SLIRP: variants seen among roughly 807,000 people sequenced by gnomAD.
SLIRP encodes SRA stem-loop-interacting RNA-binding protein, mitochondrial.
SLIRP carries 12 observed loss-of-function variants against 13.4 expected under a neutral mutation model. That is an observed-to-expected ratio of 0.89 (90% CI 0.57 to 1.45). The LOEUF is 1.45. Among genes scored for constraint, SLIRP ranks in the 40% most tolerant of loss-of-function variants. The pLI is 0.00. For missense variants in SLIRP, 154 were observed against 132.2 expected (o/e 1.17, Z -0.81); for synonymous variants, 55 against 47.1 (o/e 1.17, Z -0.69).
chr14:77,708,190 C>G lies in SLIRP; in HGVS notation c.79C>G (p.Pro27Ala), dbSNP rs1386734869. ...NQPVAFVRRI[P>A]WTAASSQLKE... ...GCCGGTTGCTTTTGTGAGAAGAATT[C>G]CTTGGACTGCGGCGTCGAGTGAGTG... The change falls in exon 1 of 4, where the codon CCT (proline) becomes GCT (alanine). Residue 27 changes from proline (P) to alanine (A), a missense_variant. Physicochemically the swap from Pro to Ala is conservative, Grantham distance 27. Coordinates refer to ENST00000557342, the MANE Select transcript of SLIRP (RefSeq NM_031210.6). The G allele has an allele frequency of 2.5e-6, 4 of 1,614,034 alleles. No individual in the cohort carries two copies. The East Asian group carries it at 8.9e-5, about 36-fold the overall frequency.
intron 3 of SLIRP, chr14:77,716,162 A>G (rs1176662600): frequency 9.8e-6 from 2 of 204,058 alleles, no homozygotes; most frequent in African/African-American, 2.3e-5. Flanking sequence ...TAAAAATACA[A>G]AAAATTAGCC....
At chr14:77,709,816 A>C (rs1278472366) in intron 1 of SLIRP, among the ~76,000 whole-genome samples, 1 of 152,200 alleles carries the variant, frequency 6.6e-6, no homozygotes, top group Non-Finnish European at 1.5e-5. Flanking sequence ...TGATCTTGCC[A>C]GTTGGTTTGA....
At chr14:77,711,516 A>T (rs965375316) in intron 2 of SLIRP, among the ~76,000 whole-genome samples, 2 of 151,214 alleles carry the variant, frequency 1.3e-5, no homozygotes, top group Non-Finnish European at 2.9e-5. Context: ...TTTAGTGGAG[A>T]CAGGGTTTCG....
intron 1 of SLIRP, among the ~76,000 whole-genome samples, chr14:77,710,401 G>A (rs1017897587): frequency 2.7e-4 from 41 of 152,158 alleles, no homozygotes; most frequent in African/African-American, 9.9e-4. Context: ...CTAGCAGTGG[G>A]AAATAAGGCA....
intron 2 of SLIRP, among the ~76,000 whole-genome samples, chr14:77,715,172 A>G (rs112326203): frequency 1.3e-5 from 2 of 152,244 alleles, no homozygotes; most frequent in South Asian, 2.1e-4. Context: ...GTACTGATCA[A>G]AATTTCCCTT....
Position 77,714,854 on chromosome 14 carries a change from A to G in SLIRP, c.157-918A>G, listed in dbSNP as rs75282383. On this transcript the variant is annotated intron_variant, in intron 2 of 3. Transcript: ENST00000557342. ...CCAGTTTGTCATCTACAGGGACTAG[A>G]CATCTTAATATCTGTTTTCTGTCGA... 8.4e-3 allele frequency among the ~76,000 whole-genome samples: 1,274 copies of G among 152,260 alleles called. 13 individuals are homozygous for G. The highest frequency in any genetic ancestry group is 0.029 in the African/African-American group (1,217 of 41,544).
At chr14:77,710,737 G>C in intron 1 of SLIRP, 101 bp from the exon 2 acceptor site, 2 of 1,576,706 alleles carry the variant, frequency 1.3e-6, no homozygotes, top group South Asian at 1.1e-5. Context: ...ATGCAAAGTA[G>C]TTCCTGTCCA....
At chr14:77,715,924 GTAC>G (rs2080473917) in intron 3 of SLIRP, 45 bp downstream of exon 3, 1 of 1,373,422 alleles carries the variant, frequency 7.3e-7, no homozygotes. Flanking sequence ...ATACATGTAG[GTAC>G]TATTTAATTA....
chr14:77,710,765 C>T (rs1004352833), intron 1 of SLIRP, 73 bp from the exon 2 acceptor site: 27 of 1,597,774 alleles, frequency 1.7e-5, no homozygotes, highest in Non-Finnish European at 2.3e-5. Context: ...TCTGGTGACC[C>T]TGTCTTTCTA....
chr14:77,712,242 C>G (rs1421955161), intron 2 of SLIRP, among the ~76,000 whole-genome samples: 1 of 150,416 alleles, frequency 6.6e-6, no homozygotes, highest in South Asian at 2.1e-4. Flanking sequence ...AAAAGACTGA[C>G]TTGCAAGCTC....
chr14:77,710,727 ATGCAAAGTAGTTCC>A, intron 1 of SLIRP, 97 bp from the exon 2 acceptor site: 1 of 1,576,994 alleles, frequency 6.3e-7, no homozygotes, highest in Non-Finnish European at 8.7e-7. Context: ...CTTTAAGGAA[ATGCAAAGTAGTTCC>A]TGTCCACAAG....
In SLIRP at chr14:77,708,148, C is replaced by T. The variant is rs1486211012; in HGVS notation, c.37C>T (p.Arg13Cys). The T allele has an allele frequency of 1.9e-6, 3 of 1,614,012 alleles. No homozygotes were observed. Among genetic ancestry groups the T allele is most frequent in the African/African-American group, 2.7e-5 (2 of 74,910 alleles). ...AGCAGCGAGAGGTGCTGCGGCGCTG[C>T]GTAGAAGTATCAATCAGCCGGTTGC... The part of the protein sequence containing the change: ...ASAARGAAAL[R>C]RSINQPVAFV... Residue 13 changes from arginine to cysteine, a missense_variant, in exon 1 of 4, where the codon CGT becomes TGT. Arg to Cys is a radical substitution (Grantham distance 180, BLOSUM62 -3). Transcript: ENST00000557342.
intron 3 of SLIRP, 63 bp downstream of exon 3, chr14:77,715,942 T>C (rs554878822): frequency 8.5e-7 from 1 of 1,182,322 alleles, no homozygotes; most frequent in Non-Finnish European, 1.3e-6. Context: ...TAATTATGTA[T>C]CAATTAAATA....
At position 77,708,120 on chromosome 14, in the gene SLIRP, CTCAGCAGCGAGAGGTGCTGCG is replaced by C. The variant is rs1566820149; in HGVS notation, c.10_30del (p.Ser4_Ala10del). The C allele has an allele frequency of 6.2e-7, 1 of 1,614,038 alleles. No homozygotes were observed. The highest frequency in any genetic ancestry group is 8.5e-7 in the Non-Finnish European group (1 of 1,180,002). The stretch of plus-strand genomic sequence containing the variant: ...GGTGCTTTAGTCTGAAGATGGCGGC[CTCAGCAGCGAGAGGTGCTGCG>C]GCGCTGCGTAGAAGTATCAATCAGC... On this transcript the variant is annotated inframe_deletion, in exon 1 of 4. Transcript: ENST00000557342.
chr14:77,716,223 GGA>G (rs757064750), intron 3 of SLIRP: 112 of 171,982 alleles, frequency 6.5e-4, no homozygotes, highest in Admixed American at 2.6e-3. Flanking sequence ...GGCTGAGGCA[GGA>G]GAATGGCGTG....
chr14:77,715,947 TA>T, intron 3 of SLIRP, 68 bp downstream of exon 3: 1 of 1,165,734 alleles, frequency 8.6e-7, no homozygotes, highest in Non-Finnish European at 1.3e-6. Flanking sequence ...ATGTATCAAT[TA>T]AATAGATCAT....
At chr14:77,710,969 C>T in intron 2 of SLIRP, 73 bp downstream of exon 2, 1 of 1,280,362 alleles carries the variant, frequency 7.8e-7, no homozygotes, top group Non-Finnish European at 1.1e-6. Flanking sequence ...TGAATAAGAC[C>T]TATTTGATAG....
At chr14:77,709,859 C>T (rs963801501) in intron 1 of SLIRP, among the ~76,000 whole-genome samples, 4 of 152,252 alleles carry the variant, frequency 2.6e-5, no homozygotes, top group African/African-American at 9.6e-5. Context: ...AATTTAGTCT[C>T]TGTGGATTGT....
At chr14:77,712,666 G>A (rs775897670) in intron 2 of SLIRP, among the ~76,000 whole-genome samples, 10 of 152,076 alleles carry the variant, frequency 6.6e-5, no homozygotes, top group Non-Finnish European at 1.2e-4. Context: ...GGCTGGTCTC[G>A]AACTCCTGAC....
Sources: allele counts gnomAD v4.1 joint callset (sites outside exome capture counted in the v4.1 genomes callset), GRCh38; gene constraint gnomAD v4.1.1; transcripts MANE v1.5; gene names NCBI Gene and HGNC (gene_info 2026-07-23, HGNC 2026-07-21).